The following MLH3 variants were observed in gnomAD, a reference collection of about 807,000 sequenced individuals.
MLH3 encodes the protein mutL homolog 3, also known as DNA mismatch repair protein Mlh3.
MLH3 carries 82 observed loss-of-function variants against 122.2 expected under a neutral mutation model. The ratio of observed to expected loss-of-function variants is 0.67; its 90% CI spans 0.56 to 0.81. MLH3 has a LOEUF of 0.81. MLH3 is among the 30% of genes least tolerant of loss of function. The pLI, the probability that MLH3 is intolerant of heterozygous loss-of-function variation, is 0.00. For missense variants in MLH3, 1,539 were observed against 1,714.5 expected, an observed-to-expected ratio of 0.90 and a Z score of 1.81; for synonymous variants, 524 against 599.5, an observed-to-expected ratio of 0.87 and a Z score of 1.84.
intron 9 of MLH3, among the ~76,000 whole-genome samples, chr14:75,027,164 G>A (rs76476736): frequency 6.6e-6 from 1 of 151,982 alleles, no homozygotes; most frequent in Admixed American, 6.5e-5. Flanking sequence ...AAAATGCGGG[G>A]GGGATAACTG....
At chr14:75,037,847 C>A (rs1316891741) in intron 6 of MLH3, among the ~76,000 whole-genome samples, 1 of 152,014 alleles carries the variant, frequency 6.6e-6, no homozygotes, top group Non-Finnish European at 1.5e-5. Context: ...CTTTGCACAC[C>A]CTCATTTTCA....
chr14:75,027,688 A>AAAAAAAAAAC (rs1566580542), intron 9 of MLH3, among the ~76,000 whole-genome samples: 8 of 134,542 alleles, frequency 5.9e-5, no homozygotes, highest in African/African-American at 8.2e-5. Context: ...AAAAAAAAAA[A>AAAAAAAAAAC]AAAAAACCCA....
At chr14:75,036,995 G>A (rs1217054247) in intron 6 of MLH3, among the ~76,000 whole-genome samples, 1 of 151,760 alleles carries the variant, frequency 6.6e-6, no homozygotes, top group East Asian at 1.9e-4. Context: ...TTTTTAAAAT[G>A]CAAATGTGAT....
intron 9 of MLH3, among the ~76,000 whole-genome samples, chr14:75,025,924 C>T (rs1890598883): frequency 1.3e-5 from 2 of 152,162 alleles, no homozygotes; most frequent in Non-Finnish European, 2.9e-5. Flanking sequence ...CTTTTGTTTT[C>T]TCCTTTATTC....
rs1892465733 is a variant in MLH3, at chr14:75,048,939, G to C, written c.717C>G (p.Ile239Met). ...TCTTGTTGTAATGTGCTTCAGAGCTGATATAGCCACTAAGCTCAAACTCTT... is the reference window on the plus strand; with the variant it reads ...TCTTGTTGTAATGTGCTTCAGAGCTCATATAGCCACTAAGCTCAAACTCTT... ...KYKEFELSGY[I>M]SSEAHYNKNM... The change falls in exon 2 of 13, where the codon ATC becomes ATG. Residue 239 changes from isoleucine (I) to methionine (M), a missense_variant. Physicochemically the swap from Ile to Met is conservative, Grantham distance 10 (BLOSUM62 1). Coordinates refer to ENST00000355774, the MANE Select transcript of MLH3 (RefSeq NM_001040108.2). 6.2e-7 allele frequency: 1 copy of C among 1,613,094 alleles called. No individual in the cohort carries two copies. The highest frequency in any genetic ancestry group is 8.5e-7 in the Non-Finnish European group (1 of 1,179,688).
At chr14:75,038,017 A>G (rs1170710466) in intron 6 of MLH3, among the ~76,000 whole-genome samples, 3 of 152,148 alleles carry the variant, frequency 2.0e-5, no homozygotes, top group Non-Finnish European at 2.9e-5. Flanking sequence ...CTTGTGCCTT[A>G]GCCTCCTGAG....
intron 9 of MLH3, among the ~76,000 whole-genome samples, chr14:75,026,388 G>A (rs898676244): frequency 6.6e-6 from 1 of 152,160 alleles, no homozygotes; most frequent in African/African-American, 2.4e-5. Flanking sequence ...AAAAAACTCA[G>A]TGGATAAGCT....
chr14:75,047,672 A>G lies in MLH3; in HGVS notation c.1984T>C (p.Leu662=), dbSNP rs1892345777. 1 of 1,613,846 alleles carries G rather than the reference A, an allele frequency of 6.2e-7. No homozygotes were observed. The highest frequency in any genetic ancestry group is 1.7e-5 in the Admixed American group (1 of 59,976). The part of the protein sequence containing the change: ...TPDIKDLAST[L]SKESGQLPNK... ...GGCAATTGACCAGATTCTTTACTTA[A>G]AGTGCTGGCTAAATCTTTGATGTCT... The change falls in exon 2 of 13, where the codon TTA becomes CTA. Residue 662 remains leucine (L), a synonymous_variant. Transcript: ENST00000355774.
intron 6 of MLH3, among the ~76,000 whole-genome samples, chr14:75,037,525 T>A (rs1221367959): frequency 6.6e-6 from 1 of 152,216 alleles, no homozygotes; most frequent in East Asian, 1.9e-4. Flanking sequence ...TATTGTTTCA[T>A]TAGAGCAGGT....
intron 7 of MLH3, among the ~76,000 whole-genome samples, chr14:75,032,761 C>T (rs1284226444): frequency 6.7e-6 from 1 of 149,480 alleles, no homozygotes; most frequent in Non-Finnish European, 1.5e-5. Flanking sequence ...TCATTGGCCA[C>T]AGGAGTAAAG....
Position 75,046,393 on chromosome 14 carries a change from T to C in MLH3, c.3263A>G (p.Asp1088Gly), listed in dbSNP as rs1892220786. 4 of 1,614,166 alleles carry C rather than the reference T, an allele frequency of 2.5e-6. No homozygotes were observed. Among genetic ancestry groups the C allele is most frequent in the Middle Eastern group, 3.3e-4 (2 of 6,062 alleles). ...GTACTTACCATTCTCAAGTACAACATCCACAGCCACAGTTGTCAGGTCTTT... is the reference window on the plus strand; with the variant it reads ...GTACTTACCATTCTCAAGTACAACACCCACAGCCACAGTTGTCAGGTCTTT... ...CTKDLTTVAV[D>G]VVLENGSQYR... Residue 1088 changes from aspartate to glycine, a missense_variant, in exon 2 of 13, where the codon GAT (aspartate) becomes GGT (glycine). Asp to Gly is a moderately conservative substitution (Grantham distance 94). Transcript: ENST00000355774.
At chr14:75,038,982 C>T (rs942291238) in intron 5 of MLH3, among the ~76,000 whole-genome samples, 6 of 151,652 alleles carry the variant, frequency 4.0e-5, no homozygotes, top group African/African-American at 1.2e-4. Context: ...CTCAGCCTCC[C>T]GAGTAGCTGG....
chr14:75,034,448 T>G (rs1891253542), intron 6 of MLH3, among the ~76,000 whole-genome samples: 1 of 152,166 alleles, frequency 6.6e-6, no homozygotes, highest in South Asian at 2.1e-4. Flanking sequence ...TATTTTAGGC[T>G]TTTTGGGCCA....
rs1021768330 is a variant in MLH3 at position 75,015,868 on chromosome 14, T to C, written c.*1214A>G. ...CATGAGCACGAATTGGTTTCCTGTA[T>C]TAAAAAATGAGGAAAATCATTCAAT... On this transcript the variant is annotated 3_prime_UTR_variant, in exon 13 of 13. Coordinates refer to ENST00000355774, the MANE Select transcript of MLH3 (RefSeq NM_001040108.2). 4.4e-6 allele frequency: 1 copy of C among 228,088 alleles called. No individual in the cohort carries two copies. Among genetic ancestry groups the C allele is most frequent in the Non-Finnish European group, 8.7e-6 (1 of 114,906 alleles). The allele number at this position is 228,088 out of a possible 1,614,324, so 14.1% of individuals were successfully genotyped here. A position where few individuals can be genotyped will look rare whatever the true frequency, so the allele number is the denominator to read the frequency against.
At chr14:75,032,237 T>G in intron 7 of MLH3, 58 bp from the exon 8 acceptor site, 1 of 1,004,716 alleles carries the variant, frequency 1.0e-6, no homozygotes, top group Non-Finnish European at 1.6e-6. Flanking sequence ...TAGATTCAGA[T>G]AAAAATAAAG....
At chr14:75,031,085 G>A (rs1344101617) in intron 8 of MLH3, among the ~76,000 whole-genome samples, 1 of 152,176 alleles carries the variant, frequency 6.6e-6, no homozygotes, top group East Asian at 1.9e-4. Flanking sequence ...CCAAGGAATT[G>A]AGAAGTCCTG....
At chr14:75,025,193 C>T (rs529767782) in intron 9 of MLH3, among the ~76,000 whole-genome samples, 32 of 152,310 alleles carry the variant, frequency 2.1e-4, no homozygotes, top group African/African-American at 7.5e-4. Flanking sequence ...TAACCTTTAG[C>T]TCTCACCCCA....
At position 75,046,423 on chromosome 14, in the gene MLH3, C is replaced by CTGCTTTAGTAT. The variant is rs752783740; in HGVS notation, c.3232_3233insATACTAAAGCA (p.Cys1078TyrfsTer9). Reference sequence around the variant, plus strand: ...AGCCACAGTTGTCAGGTCTTTAGTACAAGCAGCCTGAATGTCCTCAGTTGG... The same window carrying CTGCTTTAGTAT: ...AGCCACAGTTGTCAGGTCTTTAGTACTGCTTTAGTATAAGCAGCCTGAATGTCCTCAGTTGG... On this transcript the variant is annotated frameshift_variant, in exon 2 of 13. Transcript: ENST00000355774. LOFTEE classifies it high-confidence loss of function. 6.2e-7 allele frequency: 1 copy of CTGCTTTAGTAT among 1,614,192 alleles called. No individual in the cohort carries two copies. The highest frequency in any genetic ancestry group is 1.7e-5 in the Admixed American group (1 of 60,028).
intron 12 of MLH3, 77 bp from the exon 13 acceptor site, chr14:75,017,278 C>A: frequency 6.7e-7 from 1 of 1,482,358 alleles, no homozygotes; most frequent in Non-Finnish European, 9.3e-7. Context: ...GTGACTCACA[C>A]CTGTAATCCC....
Sources: gnomAD v4.1 joint callset for allele counts (sites outside exome capture counted in the v4.1 genomes callset) on GRCh38, gnomAD v4.1.1 for gene constraint, MANE v1.5 for transcripts, NCBI Gene and HGNC (gene_info 2026-07-23, HGNC 2026-07-21) for gene names.